Variants in HUNK observed in about 807,000 individuals in gnomAD.
HUNK encodes the protein hormonally up-regulated Neu-associated kinase.
Under a neutral mutation model 61.0 loss-of-function variants are expected in HUNK, and 21 were observed. The observed-to-expected ratio is 0.34, with a 90% CI of 0.24 to 0.50. HUNK has a LOEUF of 0.50. Ranked by LOEUF, HUNK falls within the 20% of genes least tolerant of loss-of-function variation. HUNK has a pLI of 0.98. For synonymous variants in HUNK, 371 were observed against 386.1 expected, an observed-to-expected ratio of 0.96 and a Z score of 0.46; for missense variants, 772 against 945.7, an observed-to-expected ratio of 0.82 and a Z score of 2.41.
chr21:31,998,966 C>T lies in HUNK; in HGVS notation c.1927C>T (p.Pro643Ser). 1 of 1,614,198 alleles carries T rather than the reference C, an allele frequency of 6.2e-7. No individual in the cohort carries two copies. The highest frequency in any genetic ancestry group is 1.1e-5 in the South Asian group (1 of 91,082). The change falls in exon 11 of 11, where the codon CCC becomes TCC. Residue 643 changes from proline (P) to serine (S), a missense_variant. Pro to Ser is a moderately conservative substitution (Grantham distance 74). Transcript: ENST00000270112. The stretch of plus-strand genomic sequence containing the variant: ...GGGCCTGTGTTGCCCACCTCCGGTT[C>T]CCAGCAATGGCCCCATGCAGCCTCT... The part of the protein sequence containing the change: ...EEGLCCPPPV[P>S]SNGPMQPLGS...
chr21:31,940,650 C>A (rs1443903951), intron 3 of HUNK, among the ~76,000 whole-genome samples: 1 of 152,138 alleles, frequency 6.6e-6, no homozygotes, highest in Non-Finnish European at 1.5e-5. Flanking sequence ...GGGAGCTGTG[C>A]AGAGAAGTCC....
At chr21:31,943,635 A>G (rs1430544076) in intron 3 of HUNK, among the ~76,000 whole-genome samples, 1 of 152,244 alleles carries the variant, frequency 6.6e-6, no homozygotes, top group Non-Finnish European at 1.5e-5. Flanking sequence ...TCCACCTCCC[A>G]GATCCTCTGC....
chr21:31,931,539 G>A (rs1395727335), intron 2 of HUNK, among the ~76,000 whole-genome samples: 3 of 152,048 alleles, frequency 2.0e-5, no homozygotes, highest in Admixed American at 6.5e-5. Flanking sequence ...CAGAAGCTCC[G>A]AGAGTTTAAA....
chr21:31,957,231 C>A (rs1475168880), intron 4 of HUNK, among the ~76,000 whole-genome samples: 1 of 152,192 alleles, frequency 6.6e-6, no homozygotes, highest in Non-Finnish European at 1.5e-5. Flanking sequence ...ACTCAAAACC[C>A]AAGAGGGCAG....
chr21:31,924,784 A>G lies in HUNK; in HGVS notation c.554+24A>G. Reference sequence around the variant, plus strand: ...AGGTAAGGGCCAGGCCACGCTGGTGATCGCTGACTGTGTGCTCCGTGGGTG... The same window carrying G: ...AGGTAAGGGCCAGGCCACGCTGGTGGTCGCTGACTGTGTGCTCCGTGGGTG... On this transcript the variant is annotated intron_variant, in intron 2 of 10. Coordinates refer to ENST00000270112, the MANE Select transcript of HUNK (RefSeq NM_014586.2). The surrounding 1 kb of genome is among the most constrained non-coding windows in gnomAD (Gnocchi z 5.1). 1 of 1,565,872 alleles carries G rather than the reference A, an allele frequency of 6.4e-7. No individual in the cohort carries two copies. Among genetic ancestry groups the G allele is most frequent in the East Asian group, 2.2e-5 (1 of 44,498 alleles).
At chr21:31,992,534 T>C (rs2123255173) in intron 9 of HUNK, among the ~76,000 whole-genome samples, 1 of 152,282 alleles carries the variant, frequency 6.6e-6, no homozygotes, top group East Asian at 1.9e-4. Flanking sequence ...GCCATGAAGG[T>C]GCGAGAGGGC....
intron 4 of HUNK, among the ~76,000 whole-genome samples, chr21:31,946,559 C>G (rs555984303): frequency 2.0e-5 from 3 of 152,262 alleles, no homozygotes; most frequent in Middle Eastern, 3.4e-3. Context: ...TCTCCTACCC[C>G]CTGTCCTGCT....
chr21:31,910,246 T>C (rs1197660441), intron 1 of HUNK, among the ~76,000 whole-genome samples: 1 of 152,096 alleles, frequency 6.6e-6, no homozygotes, highest in Non-Finnish European at 1.5e-5. Flanking sequence ...AAGGGGTCAG[T>C]AGGTTTGGTT....
chr21:32,001,195 G>C lies in HUNK; in HGVS notation c.*2011G>C, dbSNP rs2053243580. On this transcript the variant is annotated 3_prime_UTR_variant, in exon 11 of 11. Transcript: ENST00000270112. ...GGGGACTGAGGTGGGAGGATCACTTGAACCTAGGAGGTCGAGGCTGCAGTG... is the reference window on the plus strand; with the variant it reads ...GGGGACTGAGGTGGGAGGATCACTTCAACCTAGGAGGTCGAGGCTGCAGTG... 2.0e-5 allele frequency: 3 copies of C among 152,780 alleles called. No homozygotes were observed. In the South Asian group the frequency reaches 6.2e-4, roughly 32 times the overall value. 9.5% of individuals were successfully genotyped at this position (152,780 alleles called of 1,614,324 possible).
chr21:31,995,158 CAAAAA>C (rs34858300), intron 9 of HUNK, among the ~76,000 whole-genome samples: 48 of 73,876 alleles, frequency 6.5e-4, no homozygotes, highest in African/African-American at 2.4e-3. Context: ...GACCCTGCCT[CAAAAA>C]AAAAAAAAAA....
intron 1 of HUNK, among the ~76,000 whole-genome samples, chr21:31,890,690 T>C (rs1287503591): frequency 3.3e-5 from 5 of 152,344 alleles, no homozygotes; most frequent in African/African-American, 1.2e-4. Flanking sequence ...TGTATGTTCA[T>C]CTCTGAGTCA....
intron 4 of HUNK, among the ~76,000 whole-genome samples, chr21:31,957,163 G>T (rs1332618607): frequency 6.6e-6 from 1 of 152,148 alleles, no homozygotes; most frequent in Non-Finnish European, 1.5e-5. Flanking sequence ...ACTCATCACC[G>T]CTTGAAAGGA....
At chr21:31,974,775 A>G (rs550043648) in intron 7 of HUNK, 58 bp downstream of exon 7, 1 of 1,480,116 alleles carries the variant, frequency 6.8e-7, no homozygotes, top group Middle Eastern at 1.8e-4. Context: ...GAGCTCCTAC[A>G]CCCAAAGTGC....
At chr21:31,927,095 CA>C (rs2052666105) in intron 2 of HUNK, among the ~76,000 whole-genome samples, 1 of 151,602 alleles carries the variant, frequency 6.6e-6, no homozygotes, top group Non-Finnish European at 1.5e-5. Flanking sequence ...GACTGGAGTG[CA>C]GTGGCACAAT....
chr21:31,985,287 A>T (rs192471365), intron 8 of HUNK, among the ~76,000 whole-genome samples: 252 of 152,292 alleles, frequency 1.7e-3, no homozygotes, highest in African/African-American at 5.6e-3. Flanking sequence ...TTTCCAACGT[A>T]AAGTTTTCAT....
At chr21:31,892,089 G>A (rs1489102877) in intron 1 of HUNK, among the ~76,000 whole-genome samples, 1 of 148,558 alleles carries the variant, frequency 6.7e-6, no homozygotes, top group Non-Finnish European at 1.5e-5. Flanking sequence ...CTAAACTTCA[G>A]CTTCTGTATC....
chr21:31,909,733 CTG>C (rs1286973936), intron 1 of HUNK, among the ~76,000 whole-genome samples: 1 of 152,186 alleles, frequency 6.6e-6, no homozygotes, highest in Non-Finnish European at 1.5e-5. Context: ...CGGAGCAACA[CTG>C]AAATTAATTA....
At position 32,000,727 on chromosome 21, in the gene HUNK, G is replaced by T; in HGVS notation, c.*1543G>T. On this transcript the variant is annotated 3_prime_UTR_variant, in exon 11 of 11. Coordinates refer to ENST00000270112, the MANE Select transcript of HUNK (RefSeq NM_014586.2). Reference sequence around the variant, plus strand: ...CTTTATTTCCCTGGCAGGCAGCCTTGCCAGAAGGCAGAGAGGCAGTTCTGA... The same window carrying T: ...CTTTATTTCCCTGGCAGGCAGCCTTTCCAGAAGGCAGAGAGGCAGTTCTGA... 1 of 398,666 alleles carries T rather than the reference G, an allele frequency of 2.5e-6. No homozygotes were observed. Among genetic ancestry groups the T allele is most frequent in the Non-Finnish European group, 4.4e-6 (1 of 226,086 alleles). 24.7% of individuals were successfully genotyped at this position (398,666 alleles called of 1,614,324 possible). A position where few individuals can be genotyped will look rare whatever the true frequency, so the allele number is the denominator to read the frequency against.
chr21:31,948,022 C>G (rs1393157204), intron 4 of HUNK, among the ~76,000 whole-genome samples: 1 of 152,176 alleles, frequency 6.6e-6, no homozygotes, highest in African/African-American at 2.4e-5. Flanking sequence ...CACAATGACC[C>G]AGTGCAATCA....
Sources: allele counts gnomAD v4.1 joint callset (sites outside exome capture counted in the v4.1 genomes callset), GRCh38; gene constraint gnomAD v4.1.1; non-coding constraint Gnocchi (gnomAD v3.1); transcripts MANE v1.5; gene names NCBI Gene and HGNC (gene_info 2026-07-23, HGNC 2026-07-21).